LHFPL6: variants seen among roughly 807,000 people sequenced by gnomAD.
LHFPL6 encodes the protein LHFPL tetraspan subfamily member 6 protein.
LHFPL6 carries 9 observed loss-of-function variants against 20.6 expected under a neutral mutation model. The ratio of observed to expected loss-of-function variants is 0.44; its 90% CI spans 0.26 to 0.76. LHFPL6 has a LOEUF of 0.76. Ranked by LOEUF, LHFPL6 falls within the 30% of genes least tolerant of loss-of-function variation. The probability of loss-of-function intolerance (pLI) is 0.20; values close to 1 mark genes in which losing one functional copy is unlikely to be tolerated. For missense variants in LHFPL6, 218 were observed against 253.5 expected, an observed-to-expected ratio of 0.86 and a Z score of 0.95; for synonymous variants, 105 against 98.7, an observed-to-expected ratio of 1.06 and a Z score of -0.38.
At chr13:39,377,005 C>T (rs564041995) in intron 3 of LHFPL6, among the ~76,000 whole-genome samples, 39 of 152,160 alleles carry the variant, frequency 2.6e-4, no homozygotes, top group Non-Finnish European at 2.8e-4. Flanking sequence ...TCTGACCTTC[C>T]TCTGAAGCAG....
chr13:39,441,823 C>CGT (rs1872143182), intron 2 of LHFPL6, among the ~76,000 whole-genome samples: 1 of 110,078 alleles, frequency 9.1e-6, no homozygotes, highest in African/African-American at 3.5e-5. Flanking sequence ...TGGGCTAAAA[C>CGT]TTTTTTTTTT....
chr13:39,388,230 A>G (rs1413508370), intron 2 of LHFPL6, among the ~76,000 whole-genome samples: 3 of 152,230 alleles, frequency 2.0e-5, no homozygotes, highest in African/African-American at 7.2e-5. Flanking sequence ...ATGTTTTTCA[A>G]AATGGTGCCT....
chr13:39,583,135 T>C (rs1221500157), intron 2 of LHFPL6, among the ~76,000 whole-genome samples: 1 of 151,052 alleles, frequency 6.6e-6, no homozygotes, highest in East Asian at 1.9e-4. Context: ...AAGCATACAA[T>C]ATTTTATGAA....
At chr13:39,547,003 T>C (rs1456707657) in intron 2 of LHFPL6, among the ~76,000 whole-genome samples, 1 of 152,052 alleles carries the variant, frequency 6.6e-6, no homozygotes, top group Non-Finnish European at 1.5e-5. Context: ...CCTAGTATGC[T>C]GGTTTCGCTA....
At chr13:39,594,326 C>T (rs1467293500) in intron 2 of LHFPL6, among the ~76,000 whole-genome samples, 1 of 152,190 alleles carries the variant, frequency 6.6e-6, no homozygotes, top group Admixed American at 6.5e-5. Flanking sequence ...AGACACTTCT[C>T]AAAAGAAGAC....
intron 3 of LHFPL6, among the ~76,000 whole-genome samples, chr13:39,366,738 T>A (rs1295677767): frequency 1.3e-5 from 2 of 152,196 alleles, no homozygotes; most frequent in Admixed American, 6.5e-5. Context: ...CTCCCTTTGT[T>A]GCCCTCTCCT....
At chr13:39,549,284 G>A (rs1355007240) in intron 2 of LHFPL6, among the ~76,000 whole-genome samples, 3 of 152,060 alleles carry the variant, frequency 2.0e-5, no homozygotes, top group South Asian at 2.1e-4. Flanking sequence ...TGGAACAATC[G>A]TACATCCATA....
intron 2 of LHFPL6, among the ~76,000 whole-genome samples, chr13:39,407,185 T>C (rs1156879764): frequency 6.6e-6 from 1 of 152,238 alleles, no homozygotes; most frequent in Non-Finnish European, 1.5e-5. Flanking sequence ...ATTTCTCCAT[T>C]GGATTCCAAG....
At chr13:39,504,669 T>C (rs1869410996) in intron 2 of LHFPL6, among the ~76,000 whole-genome samples, 1 of 152,218 alleles carries the variant, frequency 6.6e-6, no homozygotes, top group Non-Finnish European at 1.5e-5. Flanking sequence ...ATTAAGGCCC[T>C]CTCTAATGAC....
intron 2 of LHFPL6, among the ~76,000 whole-genome samples, chr13:39,569,148 T>TGGATGGACGGATGGACGGACGGAC (rs71080313): frequency 1.4e-5 from 2 of 144,396 alleles, no homozygotes; most frequent in African/African-American, 2.5e-5. Context: ...GATGGATGGA[T>TGGATGGACGGATGGACGGACGGAC]GGACGGACGG....
chr13:39,442,700 T>G (rs963560242), intron 2 of LHFPL6, among the ~76,000 whole-genome samples: 1 of 152,222 alleles, frequency 6.6e-6, no homozygotes. Context: ...GTAATTCTAT[T>G]CTTTTTTTTC....
At chr13:39,547,756 CT>C (rs1266051843) in intron 2 of LHFPL6, among the ~76,000 whole-genome samples, 5 of 151,864 alleles carry the variant, frequency 3.3e-5, no homozygotes, top group African/African-American at 9.7e-5. Flanking sequence ...AAATTTATTC[CT>C]TTTTTTCATA....
chr13:39,431,140 G>GT (rs1331177813), intron 2 of LHFPL6, among the ~76,000 whole-genome samples: 4 of 152,108 alleles, frequency 2.6e-5, no homozygotes, highest in African/African-American at 9.7e-5. Context: ...CACTCCTGAA[G>GT]TCAGCAAGAC....
At chr13:39,414,936 G>A (rs1593303937) in intron 2 of LHFPL6, among the ~76,000 whole-genome samples, 1 of 152,168 alleles carries the variant, frequency 6.6e-6, no homozygotes, top group East Asian at 1.9e-4. Flanking sequence ...TCTTTGAGAA[G>A]CTACAGGGTC....
At chr13:39,386,556 G>C (rs1234616091) in intron 2 of LHFPL6, among the ~76,000 whole-genome samples, 1 of 152,086 alleles carries the variant, frequency 6.6e-6, no homozygotes, top group Admixed American at 6.5e-5. Context: ...CTCAATGCTT[G>C]GACATAAGTC....
intron 2 of LHFPL6, among the ~76,000 whole-genome samples, chr13:39,521,910 G>A (rs949113491): frequency 3.3e-5 from 5 of 152,142 alleles, no homozygotes; most frequent in African/African-American, 1.2e-4. Flanking sequence ...AATTAGTGAC[G>A]TGAAAGTTAA....
At chr13:39,505,767 G>A (rs1009859600) in intron 2 of LHFPL6, among the ~76,000 whole-genome samples, 1 of 152,172 alleles carries the variant, frequency 6.6e-6, no homozygotes. Context: ...TTCTAAAGCT[G>A]AGAAACTTCA....
intron 2 of LHFPL6, among the ~76,000 whole-genome samples, chr13:39,600,002 A>G (rs556344888): frequency 3.9e-5 from 6 of 152,208 alleles, no homozygotes; most frequent in Non-Finnish European, 8.8e-5. Context: ...AAATCAGACA[A>G]GTTCAGCCAG....
intron 2 of LHFPL6, among the ~76,000 whole-genome samples, chr13:39,425,247 T>C (rs532092189): frequency 5.2e-4 from 79 of 152,340 alleles, no homozygotes; most frequent in African/African-American, 1.9e-3. Flanking sequence ...ATATTATCAA[T>C]AGTTCATTCA....
Sources: gnomAD v4.1 joint callset for allele counts (sites outside exome capture counted in the v4.1 genomes callset) on GRCh38, gnomAD v4.1.1 for gene constraint, MANE v1.5 for transcripts, NCBI Gene and HGNC (gene_info 2026-07-23, HGNC 2026-07-21) for gene names.